Variants in KCTD5 observed in about 807,000 individuals in gnomAD.
KCTD5 encodes the protein BTB/POZ domain-containing protein KCTD5.
A neutral mutation model predicts 27.9 loss-of-function variants in KCTD5; 12 were observed. That is an observed-to-expected ratio of 0.43 (90% CI 0.28 to 0.70). The LOEUF (loss-of-function observed/expected upper bound fraction) is 0.70, where lower values mean the gene tolerates loss of function less well. KCTD5 is among the 30% of genes least tolerant of loss of function. The pLI is 0.19. For synonymous variants in KCTD5, 147 were observed against 121.4 expected (o/e 1.21, Z -1.39); for missense variants, 226 against 274.8 (o/e 0.82, Z 1.26).
intron 1 of KCTD5, among the ~76,000 whole-genome samples, chr16:2,689,689 T>C (rs1180020762): frequency 1.3e-5 from 2 of 152,052 alleles, no homozygotes; most frequent in Non-Finnish European, 2.9e-5. Context: ...TTTTCTTTTT[T>C]TTTTTTTGAG....
At chr16:2,690,264 C>T (rs2067560193) in intron 1 of KCTD5, among the ~76,000 whole-genome samples, 1 of 152,226 alleles carries the variant, frequency 6.6e-6, no homozygotes, top group Non-Finnish European at 1.5e-5. Flanking sequence ...TGTGTGTGCC[C>T]TGGCTCGGCG....
At chr16:2,703,148 G>T (rs1038370624) in intron 5 of KCTD5, among the ~76,000 whole-genome samples, 1 of 152,196 alleles carries the variant, frequency 6.6e-6, no homozygotes, top group African/African-American at 2.4e-5. Flanking sequence ...CTTTCAGGTT[G>T]GCCCTGTGGC....
intron 1 of KCTD5, among the ~76,000 whole-genome samples, chr16:2,691,485 C>T (rs1298249594): frequency 6.6e-6 from 1 of 152,216 alleles, no homozygotes; most frequent in African/African-American, 2.4e-5. Flanking sequence ...ACGCAGGGCT[C>T]TGCAGTGTCA....
chr16:2,692,511 C>T (rs2067571081), intron 1 of KCTD5, among the ~76,000 whole-genome samples: 1 of 152,208 alleles, frequency 6.6e-6, no homozygotes, highest in Non-Finnish European at 1.5e-5. Context: ...TGGTCTTCCA[C>T]TTGCCAATTG....
intron 1 of KCTD5, among the ~76,000 whole-genome samples, chr16:2,693,450 G>A (rs1469573572): frequency 1.3e-5 from 2 of 152,378 alleles, no homozygotes; most frequent in East Asian, 3.9e-4. Context: ...GCCCCGCCCA[G>A]TGGTAGGAGT....
intron 1 of KCTD5, among the ~76,000 whole-genome samples, chr16:2,687,807 C>T (rs2067546944): frequency 6.6e-6 from 1 of 152,178 alleles, no homozygotes; most frequent in Non-Finnish European, 1.5e-5. Flanking sequence ...AAGAACCTGC[C>T]TGCCTGGCGC....
At chr16:2,687,592 A>G (rs1202277359) in intron 1 of KCTD5, among the ~76,000 whole-genome samples, 1 of 152,240 alleles carries the variant, frequency 6.6e-6, no homozygotes, top group Non-Finnish European at 1.5e-5. Context: ...TTGCTCTGAA[A>G]GGTCACGGAG....
At chr16:2,706,635 C>A (rs955662571) in intron 5 of KCTD5, among the ~76,000 whole-genome samples, 1 of 146,978 alleles carries the variant, frequency 6.8e-6, no homozygotes, top group Non-Finnish European at 1.5e-5. Context: ...GGGAGGGTAC[C>A]TTGAGGAAGA....
chr16:2,682,816 G>C lies in KCTD5; in HGVS notation c.252+16G>C. 2 of 1,577,194 alleles carry C rather than the reference G, an allele frequency of 1.3e-6. No individual in the cohort carries two copies. Among genetic ancestry groups the C allele is most frequent in the Non-Finnish European group, 1.7e-6 (2 of 1,164,858 alleles). ...CTCAGACAAGGTGAGGGCCTCACGG[G>C]CCAGCCCGGAGGGTCCTGGCCTTCC... On this transcript the variant is annotated intron_variant, in intron 1 of 5. Transcript: ENST00000301738.
chr16:2,699,877 G>A lies in KCTD5; in HGVS notation c.510G>A (p.Gln170=), dbSNP rs2067603544. ...AGTGCCAGGAGGAGGAGCTCACGCA[G>A]ATGGTGTCCACCATGTCCGACGGCT... ...VLQCQEEELT[Q]MVSTMSDGWK... is the part of the protein sequence containing the mutation. Residue 170 remains glutamine, a synonymous_variant, in exon 4 of 6, where the codon CAG becomes CAA. Coordinates refer to ENST00000301738, the MANE Select transcript of KCTD5 (RefSeq NM_018992.4). 1.9e-6 allele frequency: 3 copies of A among 1,614,004 alleles called. No homozygotes were observed. The East Asian group carries it at 6.7e-5, about 36-fold the overall frequency.
intron 5 of KCTD5, among the ~76,000 whole-genome samples, chr16:2,704,049 C>T (rs2067623979): frequency 6.6e-6 from 1 of 152,234 alleles, no homozygotes; most frequent in African/African-American, 2.4e-5. Context: ...GGTGGCTTGG[C>T]AGCTGCAGAA....
rs372010674 is a variant in KCTD5 at position 2,697,994 on chromosome 16, G to A, written c.450G>A (p.Ser150=). 2.1e-5 allele frequency: 34 copies of A among 1,604,782 alleles called. No individual in the cohort carries two copies. The highest frequency in any genetic ancestry group is 4.0e-5 in the African/African-American group (3 of 74,740). Residue 150 remains serine (S), a synonymous_variant, in exon 3 of 6, where the codon TCG becomes TCA. Coordinates refer to ENST00000301738, the MANE Select transcript of KCTD5 (RefSeq NM_018992.4). ...TTAGAGAACGAGACAGCAAAACATC[G>A]CAGGTGAGACAAATGACTGAGGCTG... ...DKIRERDSKT[S]QVPVKHVYRV...
chr16:2,683,416 T>C (rs2067527305), intron 1 of KCTD5: 1 of 152,220 alleles, frequency 6.6e-6, no homozygotes, highest in Non-Finnish European at 1.5e-5. Context: ...TTGCTCATAT[T>C]AAGGGTTGCT....
Position 2,707,498 on chromosome 16 carries a change from G to A in KCTD5, c.*171G>A. 1 of 750,472 alleles carries A rather than the reference G, an allele frequency of 1.3e-6. No homozygotes were observed. The highest frequency in any genetic ancestry group is 1.5e-5 in the South Asian group (1 of 68,820). The allele number at this position is 750,472 out of a possible 1,614,324, so 46.5% of individuals were successfully genotyped here. Reference sequence around the variant, plus strand: ...AGGTGGGTGGTGAGAGACGGGCCCAGCTGTCCAAGGCCAGACGTCCCCAAG... The same window carrying A: ...AGGTGGGTGGTGAGAGACGGGCCCAACTGTCCAAGGCCAGACGTCCCCAAG... On this transcript the variant is annotated 3_prime_UTR_variant, in exon 6 of 6. Transcript: ENST00000301738.
At chr16:2,692,462 T>C (rs1221530507) in intron 1 of KCTD5, among the ~76,000 whole-genome samples, 1 of 152,154 alleles carries the variant, frequency 6.6e-6, no homozygotes, top group Non-Finnish European at 1.5e-5. Flanking sequence ...TCCATTGACT[T>C]CCCAGCTCTC....
chr16:2,687,854 C>T (rs1567193025), intron 1 of KCTD5, among the ~76,000 whole-genome samples: 2 of 152,156 alleles, frequency 1.3e-5, no homozygotes, highest in Admixed American at 6.5e-5. Context: ...TGCCAGCAAG[C>T]CATCTCTCTC....
At position 2,705,350 on chromosome 16, in the gene KCTD5, T is replaced by C. The variant is rs143365373; in HGVS notation, c.676-1948T>C. 8.1e-3 allele frequency among the ~76,000 whole-genome samples: 1,233 copies of C among 152,282 alleles called. 53 individuals carry two copies. In the East Asian group the frequency reaches 0.12, roughly 15 times the overall value. Reference sequence around the variant, plus strand: ...ACTGTCTTGGTGGTGGGGCTGTTGCTGTGAGGCAGATGCCCAGGGGCAGTG... The same window carrying C: ...ACTGTCTTGGTGGTGGGGCTGTTGCCGTGAGGCAGATGCCCAGGGGCAGTG... On this transcript the variant is annotated intron_variant, in intron 5 of 5. Coordinates refer to ENST00000301738, the MANE Select transcript of KCTD5 (RefSeq NM_018992.4).
At chr16:2,687,327 G>C (rs954212010) in intron 1 of KCTD5, among the ~76,000 whole-genome samples, 4 of 152,236 alleles carry the variant, frequency 2.6e-5, no homozygotes, top group African/African-American at 9.6e-5. Flanking sequence ...CGGGGCACCT[G>C]ACATGGGCCC....
At chr16:2,703,162 G>A (rs2067620330) in intron 5 of KCTD5, among the ~76,000 whole-genome samples, 1 of 152,182 alleles carries the variant, frequency 6.6e-6, no homozygotes, top group African/African-American at 2.4e-5. Flanking sequence ...CTGTGGCCCT[G>A]CCCACAGGTG....
Sources: allele counts gnomAD v4.1 joint callset (sites outside exome capture counted in the v4.1 genomes callset), GRCh38; gene constraint gnomAD v4.1.1; transcripts MANE v1.5; gene names NCBI Gene and HGNC (gene_info 2026-07-23, HGNC 2026-07-21).